Variants in RBFOX1 observed in about 807,000 individuals in gnomAD.
RBFOX1 encodes the protein RNA binding protein fox-1 homolog 1.
RBFOX1 carries 8 observed loss-of-function variants against 57.7 expected under a neutral mutation model. That is an observed-to-expected ratio of 0.14 (90% CI 0.08 to 0.25). The LOEUF (loss-of-function observed/expected upper bound fraction) is 0.25, where lower values mean the gene tolerates loss of function less well. Among genes scored for constraint, RBFOX1 ranks in the 10% least tolerant of loss-of-function variants. The probability of loss-of-function intolerance (pLI) is 1.00; values close to 1 mark genes in which losing one functional copy is unlikely to be tolerated. For missense variants in RBFOX1, 611 were observed against 548.5 expected, an observed-to-expected ratio of 1.11 and a Z score of -1.14; for synonymous variants, 326 against 222.4, an observed-to-expected ratio of 1.47 and a Z score of -4.15.
intron 2 of RBFOX1, among the ~76,000 whole-genome samples, chr16:6,418,256 G>A (rs2152984527): frequency 6.6e-6 from 1 of 152,240 alleles, no homozygotes; most frequent in African/African-American, 2.4e-5. Context: ...TGAGTGGCCG[G>A]GTCTGGAAAT....
chr16:5,837,551 G>A (rs981592337), intron 3 of RBFOX1, among the ~76,000 whole-genome samples: 4 of 151,526 alleles, frequency 2.6e-5, no homozygotes, highest in African/African-American at 9.7e-5. Flanking sequence ...CCTTGTGTTG[G>A]GGCAGGAGGA....
intron 3 of RBFOX1, among the ~76,000 whole-genome samples, chr16:6,951,688 C>G (rs1053495129): frequency 6.6e-6 from 1 of 152,102 alleles, no homozygotes; most frequent in Non-Finnish European, 1.5e-5. Context: ...GTGAGTCACA[C>G]ACAAATGTCC....
rs1486624213 is a variant in RBFOX1 at position 6,490,518 on chromosome 16, G to A, written c.-63-164085G>A. Among the ~76,000 whole-genome samples, 94 of 152,156 alleles carry A rather than the reference G, an allele frequency of 6.2e-4. 2 individuals carry two copies. The highest frequency in any genetic ancestry group is 5.9e-5 in the Non-Finnish European group (4 of 68,038). On this transcript the variant is annotated intron_variant, in intron 2 of 15. Coordinates refer to ENST00000550418, the MANE Select transcript of RBFOX1 (RefSeq NM_018723.4). ...GTCCTCAGCTTACCAATCTAAATTT[G>A]TACGTTACTTAAGTGTTAGGCATAG... is the stretch of plus-strand genomic sequence containing the variant.
At chr16:7,697,959 C>T (rs2079316672) in intron 14 of RBFOX1, among the ~76,000 whole-genome samples, 1 of 152,132 alleles carries the variant, frequency 6.6e-6, no homozygotes, top group Admixed American at 6.6e-5. Context: ...GTTCCGTGTG[C>T]TGGGAGTACT....
At chr16:5,968,355 G>A (rs1430556065) in intron 4 of RBFOX1, among the ~76,000 whole-genome samples, 6 of 152,238 alleles carry the variant, frequency 3.9e-5, no homozygotes, top group Non-Finnish European at 7.4e-5. Context: ...GATTACCGGT[G>A]TGAGCCACTG....
chr16:7,201,590 G>A (rs1473809868), intron 4 of RBFOX1, among the ~76,000 whole-genome samples: 1 of 151,950 alleles, frequency 6.6e-6, no homozygotes, highest in Admixed American at 6.6e-5. Flanking sequence ...AGCCTCCCAA[G>A]TGGCTGGGAT....
At chr16:6,618,728 A>G (rs1217654355) in intron 2 of RBFOX1, among the ~76,000 whole-genome samples, 1 of 152,192 alleles carries the variant, frequency 6.6e-6, no homozygotes, top group East Asian at 1.9e-4. Flanking sequence ...AGCCCTCACC[A>G]CAGTGTCATA....
intron 3 of RBFOX1, among the ~76,000 whole-genome samples, chr16:6,800,775 G>A (rs1463837114): frequency 6.6e-6 from 1 of 152,116 alleles, no homozygotes; most frequent in Non-Finnish European, 1.5e-5. Flanking sequence ...AGCAGTAGAT[G>A]ACAAAGTAGC....
intron 3 of RBFOX1, among the ~76,000 whole-genome samples, chr16:6,842,912 A>G (rs1158458279): frequency 6.6e-6 from 1 of 152,116 alleles, no homozygotes; most frequent in African/African-American, 2.4e-5. Context: ...ATGAGTGAGA[A>G]CATGCAGTGT....
chr16:6,057,942 C>G (rs2095635332), intron 1 of RBFOX1, among the ~76,000 whole-genome samples: 1 of 144,734 alleles, frequency 6.9e-6, no homozygotes, highest in Non-Finnish European at 1.5e-5. Context: ...ATGGTGAGGT[C>G]AAAGATGAGG....
chr16:5,582,604 C>G (rs546057283), intron 2 of RBFOX1, among the ~76,000 whole-genome samples: 1 of 145,326 alleles, frequency 6.9e-6, no homozygotes, highest in Non-Finnish European at 1.5e-5. Context: ...GGCTGGAATG[C>G]CAATGACGTG....
chr16:7,150,634 G>A (rs1205712328), intron 4 of RBFOX1, among the ~76,000 whole-genome samples: 1 of 152,088 alleles, frequency 6.6e-6, no homozygotes, highest in Admixed American at 6.6e-5. Flanking sequence ...AATTCTTTAC[G>A]ACTGCTGTCT....
chr16:7,283,278 T>G (rs1322369792), intron 4 of RBFOX1, among the ~76,000 whole-genome samples: 2 of 151,828 alleles, frequency 1.3e-5, no homozygotes, highest in Non-Finnish European at 2.9e-5. Context: ...CAGCTTTCAG[T>G]TTTCCATGGC....
At chr16:6,836,167 G>T (rs2093080410) in intron 3 of RBFOX1, among the ~76,000 whole-genome samples, 1 of 152,120 alleles carries the variant, frequency 6.6e-6, no homozygotes, top group Non-Finnish European at 1.5e-5. Context: ...TACGTCACCG[G>T]GTAACGCATT....
chr16:7,229,011 C>G (rs935728313), intron 4 of RBFOX1, among the ~76,000 whole-genome samples: 1 of 151,864 alleles, frequency 6.6e-6, no homozygotes, highest in Non-Finnish European at 1.5e-5. Flanking sequence ...GAATAGCAGG[C>G]TAAGAAAGAA....
intron 2 of RBFOX1, among the ~76,000 whole-genome samples, chr16:6,626,791 TAA>T (rs2098314381): frequency 1.1e-5 from 1 of 92,284 alleles, no homozygotes; most frequent in Non-Finnish European, 2.6e-5. Flanking sequence ...AAAATAGAAA[TAA>T]AATAAAGTAT....
chr16:6,489,645 G>A (rs72760967), intron 2 of RBFOX1, among the ~76,000 whole-genome samples: 28,868 of 152,096 alleles, frequency 0.19, 2,757 homozygotes, highest in Middle Eastern at 0.26. Context: ...AACAAAAGAC[G>A]TTTTTAGTCT....
At chr16:5,530,096 C>T (rs796581521) in intron 2 of RBFOX1, among the ~76,000 whole-genome samples, 15 of 152,238 alleles carry the variant, frequency 9.9e-5, no homozygotes, top group African/African-American at 3.4e-4. Context: ...TTGTTTAAGC[C>T]ACTCAGGCTA....
At chr16:6,294,418 T>C (rs1217434889) in intron 1 of RBFOX1, among the ~76,000 whole-genome samples, 1 of 152,236 alleles carries the variant, frequency 6.6e-6, no homozygotes, top group South Asian at 2.1e-4. Context: ...GTAAATTGTT[T>C]TAAGCAGTGA....
Sources: gnomAD v4.1 joint callset for allele counts (sites outside exome capture counted in the v4.1 genomes callset) on GRCh38, gnomAD v4.1.1 for gene constraint, MANE v1.5 for transcripts, NCBI Gene and HGNC (gene_info 2026-07-23, HGNC 2026-07-21) for gene names.